The following MARS1 variants were observed in gnomAD, a reference collection of about 807,000 sequenced individuals.
MARS1 encodes methionine--tRNA ligase, cytoplasmic.
Under a neutral mutation model 119.5 loss-of-function variants are expected in MARS1, and 80 were observed. That is an observed-to-expected ratio of 0.67 (90% CI 0.56 to 0.81). MARS1 has a LOEUF of 0.81. Ranked by LOEUF, MARS1 falls within the 30% of genes least tolerant of loss-of-function variation. The probability of loss-of-function intolerance (pLI) is 0.00; values close to 1 mark genes in which losing one functional copy is unlikely to be tolerated. For missense variants in MARS1, 945 were observed against 1,116.5 expected, an observed-to-expected ratio of 0.85 and a Z score of 2.19; for synonymous variants, 418 against 433.4, an observed-to-expected ratio of 0.96 and a Z score of 0.44.
At chr12:57,504,386 C>A in intron 11 of MARS1, 87 bp downstream of exon 11, 1 of 1,037,698 alleles carries the variant, frequency 9.6e-7, no homozygotes, top group South Asian at 1.3e-5. Flanking sequence ...GCAGATTACT[C>A]TTAAAAGTTT....
At chr12:57,514,123 A>G (rs1877656562) in intron 15 of MARS1, among the ~76,000 whole-genome samples, 1 of 150,992 alleles carries the variant, frequency 6.6e-6, no homozygotes, top group Non-Finnish European at 1.5e-5. Flanking sequence ...GATAGCAGTT[A>G]ACACATACTC....
At chr12:57,508,506 C>T (rs558904758) in intron 11 of MARS1, among the ~76,000 whole-genome samples, 114 of 152,178 alleles carry the variant, frequency 7.5e-4, no homozygotes, top group Non-Finnish European at 1.4e-3. Context: ...CAAAAAAATA[C>T]GAAAACCAGT....
chr12:57,492,007 C>T (rs542705481), intron 7 of MARS1, among the ~76,000 whole-genome samples: 85 of 152,200 alleles, frequency 5.6e-4, no homozygotes, highest in African/African-American at 1.9e-3. Context: ...AGGCCGGGCG[C>T]GGTGGCTCAT....
Position 57,504,303 on chromosome 12 carries a change from A to G in MARS1, c.1368+4A>G. On this transcript the variant is annotated splice_donor_region_variant and intron_variant, in intron 11 of 20. Transcript: ENST00000262027. ...CCTGTTTCTGGACCTGCCTAAGGTA[A>G]GTGAGCTTTTCTCTCAACCTAGTTT... 1 of 1,613,902 alleles carries G rather than the reference A, an allele frequency of 6.2e-7. No individual in the cohort carries two copies. The highest frequency in any genetic ancestry group is 8.5e-7 in the Non-Finnish European group (1 of 1,179,732).
intron 10 of MARS1, chr12:57,503,995 C>G: frequency 1.8e-6 from 1 of 551,900 alleles, no homozygotes; most frequent in Non-Finnish European, 3.2e-6. Context: ...GTTTTTTTTA[C>G]TCTGGTGTGA....
rs1171249033 is a variant in MARS1, at chr12:57,498,121, C to A, written c.771-36C>A. 7 of 1,372,360 alleles carry A rather than the reference C, an allele frequency of 5.1e-6. No individual in the cohort carries two copies. In the Admixed American group the frequency reaches 8.5e-5, roughly 17 times the overall value. 85.0% of individuals were successfully genotyped at this position (1,372,360 alleles called of 1,614,324 possible). A position where few individuals can be genotyped will look rare whatever the true frequency, so the allele number is the denominator to read the frequency against. On this transcript the variant is annotated intron_variant, in intron 7 of 20. Coordinates refer to ENST00000262027, the MANE Select transcript of MARS1 (RefSeq NM_004990.4). ...TTTCGTCCCTGTTGACCCTCACATC[C>A]CCCCATGCACTGTTCTCTTCCTCTT... is the stretch of plus-strand genomic sequence containing the variant.
chr12:57,504,852 T>C (rs1669294), intron 11 of MARS1, among the ~76,000 whole-genome samples: 27,528 of 151,826 alleles, frequency 0.18, 2,763 homozygotes, highest in East Asian at 0.29. Context: ...TACAGGCGTC[T>C]GCCACCATGC....
At chr12:57,502,739 A>C (rs1215991045) in intron 10 of MARS1, among the ~76,000 whole-genome samples, 1 of 149,386 alleles carries the variant, frequency 6.7e-6, no homozygotes, top group Non-Finnish European at 1.5e-5. Context: ...ACAACAAAAA[A>C]AAAACAAGCC....
Position 57,512,859 on chromosome 12 carries a change from T to G in MARS1, c.1862T>G (p.Leu621Arg). Reference protein sequence around the residue: ...GIPADIWRFYLLYIRPEGQDS... With the variant: ...GIPADIWRFYRLYIRPEGQDS... ...CCTGCTGACATCTGGCGCTTCTATC[T>G]GCTGTACATTCGGCCTGAGGGCCAG... The change falls in exon 15 of 21, where the codon CTG becomes CGG. Residue 621 changes from leucine (L) to arginine (R), a missense_variant. Physicochemically the swap from Leu to Arg is moderately radical, Grantham distance 102. Transcript: ENST00000262027. 1 of 1,614,234 alleles carries G rather than the reference T, an allele frequency of 6.2e-7. No homozygotes were observed. The highest frequency in any genetic ancestry group is 8.5e-7 in the Non-Finnish European group (1 of 1,180,032).
In MARS1 at chr12:57,511,927, G is replaced by C. The variant is rs1267025787; in HGVS notation, c.1539+59G>C. 5 of 1,608,180 alleles carry C rather than the reference G, an allele frequency of 3.1e-6. No individual in the cohort carries two copies. The Admixed American group carries it at 6.7e-5, about 22-fold the overall frequency. On this transcript the variant is annotated intron_variant, in intron 12 of 20. Transcript: ENST00000262027. Reference sequence around the variant, plus strand: ...TTAGTGTTGAAACCCTGGGCTAGCAGAGTAGACTGCTGATTATGTCTTGTT... The same window carrying C: ...TTAGTGTTGAAACCCTGGGCTAGCACAGTAGACTGCTGATTATGTCTTGTT...
intron 7 of MARS1, among the ~76,000 whole-genome samples, chr12:57,492,674 C>T (rs1437579605): frequency 1.2e-4 from 8 of 67,686 alleles, no homozygotes; most frequent in African/African-American, 8.6e-4. Context: ...CCATTTCACA[C>T]ACACACACAC....
intron 7 of MARS1, among the ~76,000 whole-genome samples, chr12:57,496,518 C>T (rs987380233): frequency 6.6e-6 from 1 of 152,054 alleles, no homozygotes; most frequent in Non-Finnish European, 1.5e-5. Flanking sequence ...GTGGCTCATG[C>T]CTGAAATCCC....
At chr12:57,490,009 G>C in intron 5 of MARS1, 38 bp downstream of exon 5, 2 of 1,591,912 alleles carry the variant, frequency 1.3e-6, no homozygotes, top group South Asian at 1.1e-5. Context: ...CTAGGAGCTT[G>C]GTGTAGGGGT....
chr12:57,493,362 T>C (rs1467538216), intron 7 of MARS1, among the ~76,000 whole-genome samples: 17 of 85,868 alleles, frequency 2.0e-4, no homozygotes, highest in African/African-American at 6.1e-4. Context: ...TATTATATGA[T>C]ATGTATAATA....
In MARS1 at chr12:57,500,514, G is replaced by A. The variant is rs1876872025; in HGVS notation, c.1285G>A (p.Glu429Lys). 4 of 1,614,044 alleles carry A rather than the reference G, an allele frequency of 2.5e-6. No homozygotes were observed. The highest frequency in any genetic ancestry group is 3.4e-6 in the Non-Finnish European group (4 of 1,179,988). ...GTGTGGCAAGCTCATCAATGCTGTC[G>A]AGCTTAAGGTAAGAGGAGGGTCTCC... ...DKCGKLINAV[E>K]LKKPQCKVCR... The change falls in exon 10 of 21, where the codon GAG becomes AAG. Residue 429 changes from glutamate to lysine, a missense_variant. Coordinates refer to ENST00000262027, the MANE Select transcript of MARS1 (RefSeq NM_004990.4).
rs1395186071 is a variant in MARS1, at chr12:57,498,193, C to T, written c.807C>T (p.Thr269=). 1.2e-6 allele frequency: 2 copies of T among 1,614,036 alleles called. No homozygotes were observed. Among genetic ancestry groups the T allele is most frequent in the Non-Finnish European group, 1.7e-6 (2 of 1,180,012 alleles). The change falls in exon 8 of 21, where the codon ACC becomes ACT. Residue 269 remains threonine, a synonymous_variant. Coordinates refer to ENST00000262027, the MANE Select transcript of MARS1 (RefSeq NM_004990.4). ...PVAGERNVLI[T]SALPYVNNVP... ...CTGGAGAAAGGAATGTGCTCATCAC[C>T]AGTGCCCTCCCTTACGTCAACAATG...
At chr12:57,501,476 C>T (rs112116601) in intron 10 of MARS1, among the ~76,000 whole-genome samples, 4 of 152,070 alleles carry the variant, frequency 2.6e-5, no homozygotes, top group African/African-American at 7.2e-5. Context: ...CTTGAAGCCA[C>T]GAGTTTGAGA....
chr12:57,496,288 C>G (rs370375343), intron 7 of MARS1, among the ~76,000 whole-genome samples: 1 of 151,364 alleles, frequency 6.6e-6, no homozygotes, highest in African/African-American at 2.4e-5. Flanking sequence ...CTCAGCCCCC[C>G]GAGTAGCTGG....
chr12:57,502,961 G>A (rs552646710), intron 10 of MARS1, among the ~76,000 whole-genome samples: 1 of 152,212 alleles, frequency 6.6e-6, no homozygotes, highest in East Asian at 1.9e-4. Context: ...GGGAGGTGGA[G>A]GTTGTAGTGA....
Sources: gnomAD v4.1 joint callset for allele counts (sites outside exome capture counted in the v4.1 genomes callset) on GRCh38, gnomAD v4.1.1 for gene constraint, MANE v1.5 for transcripts, NCBI Gene and HGNC (gene_info 2026-07-23, HGNC 2026-07-21) for gene names.